XG: variants seen among roughly 807,000 people sequenced by gnomAD.
XG encodes the protein glycoprotein Xg.
XG carries 24 observed loss-of-function variants against 25.7 expected under a neutral mutation model. The observed-to-expected ratio is 0.93, with a 90% CI of 0.68 to 1.31. The LOEUF is 1.31. Among genes scored for constraint, XG ranks in the 40% most tolerant of loss-of-function variants. The pLI is 0.00. For synonymous variants in XG, 77 were observed against 69.2 expected, an observed-to-expected ratio of 1.11 and a Z score of -0.56; for missense variants, 181 against 187.6, an observed-to-expected ratio of 0.96 and a Z score of 0.21.
intron 3 of XG, among the ~76,000 whole-genome samples, chrX:2,779,260 C>T (rs1300144095): frequency 6.7e-6 from 1 of 149,042 alleles, no homozygotes; most frequent in Non-Finnish European, 1.5e-5. Flanking sequence ...CACTTGAGCT[C>T]GAGAGGTGGA....
chrX:2,812,172 C>G (rs913511959), intron 10 of XG, among the ~76,000 whole-genome samples: 1 of 111,126 alleles, frequency 9.0e-6, no homozygotes, highest in African/African-American at 3.3e-5. Flanking sequence ...GAACCCCACC[C>G]GCAAAGAAAA....
At chrX:2,779,560 C>G (rs1448142304) in intron 3 of XG, among the ~76,000 whole-genome samples, 2 of 152,044 alleles carry the variant, frequency 1.3e-5, no homozygotes, top group African/African-American at 4.8e-5. Context: ...GCCTTCTTCC[C>G]CGCAGACACC....
chrX:2,793,744 T>C (rs1271701530), intron 5 of XG, among the ~76,000 whole-genome samples: 4 of 111,388 alleles, frequency 3.6e-5, no homozygotes, highest in Middle Eastern at 4.7e-3. Flanking sequence ...ACAAGATAGT[T>C]GAGCAGGAAC....
chrX:2,783,902 G>T (rs1336433965), intron 4 of XG, among the ~76,000 whole-genome samples: 2 of 112,105 alleles, frequency 1.8e-5, no homozygotes, highest in African/African-American at 6.5e-5. Context: ...TTGAATCCAG[G>T]AGAGGAAGGT....
At chrX:2,758,229 C>T (rs1410333786) in intron 1 of XG, among the ~76,000 whole-genome samples, 6 of 152,034 alleles carry the variant, frequency 3.9e-5, no homozygotes, top group Non-Finnish European at 7.4e-5. Flanking sequence ...TCACCTGGAG[C>T]GTGTAGCCAT....
intron 1 of XG, among the ~76,000 whole-genome samples, chrX:2,754,651 G>A (rs311112): frequency 0.47 from 71,680 of 151,998 alleles, 17,056 homozygotes; most frequent in African/African-American, 0.51. Context: ...GAGGAGCAAG[G>A]AGAGCCAGTC....
At chrX:2,752,359 G>A (rs369936264) in intron 1 of XG, 24 bp downstream of exon 1, 63 of 1,612,492 alleles carry the variant, frequency 3.9e-5, no homozygotes, top group Non-Finnish European at 5.3e-5. Flanking sequence ...TGCTTTGAGG[G>A]AGATCTGCCT....
chrX:2,767,979 G>C (rs2050736907), intron 1 of XG, among the ~76,000 whole-genome samples: 1 of 152,076 alleles, frequency 6.6e-6, no homozygotes, highest in Non-Finnish European at 1.5e-5. Context: ...CCCAATTCCT[G>C]TCATCTCTCA....
chrX:2,794,531 A>T lies in XG; in HGVS notation c.254-4A>T. ...TGAGCAATGCCGCGTGCTCTGCCCCACAGGTTACTTCAATGATGTGGACCG... is the reference window on the plus strand; with the variant it reads ...TGAGCAATGCCGCGTGCTCTGCCCCTCAGGTTACTTCAATGATGTGGACCG... On this transcript the variant is annotated splice_region_variant and splice_polypyrimidine_tract_variant and intron_variant, in intron 5 of 10. Coordinates refer to ENST00000644266, the MANE Select transcript of XG (RefSeq NM_001141919.2). 8.3e-7 allele frequency: 1 copy of T among 1,210,933 alleles called. No homozygotes were observed. Among genetic ancestry groups the T allele is most frequent in the Non-Finnish European group, 1.1e-6 (1 of 895,061 alleles).
chrX:2,772,224 C>G (rs2050833313), intron 2 of XG, among the ~76,000 whole-genome samples: 1 of 152,132 alleles, frequency 6.6e-6, no homozygotes, highest in Admixed American at 6.6e-5. Context: ...GACAGATACC[C>G]AAGAGAATTG....
chrX:2,777,245 G>C (rs2051019228), intron 3 of XG, among the ~76,000 whole-genome samples: 1 of 152,080 alleles, frequency 6.6e-6, no homozygotes, highest in African/African-American at 2.4e-5. Context: ...CTGAAGATGA[G>C]GCTACCTTCA....
At position 2,814,423 on chromosome X, in the gene XG, A is replaced by G; in HGVS notation, c.*43A>G. On this transcript the variant is annotated 3_prime_UTR_variant, in exon 11 of 11. Transcript: ENST00000644266. Reference sequence around the variant, plus strand: ...GATTACTTTGAGAAAAACAACTAAAACAAGAACCGTGTTTATCACTGTTGT... The same window carrying G: ...GATTACTTTGAGAAAAACAACTAAAGCAAGAACCGTGTTTATCACTGTTGT... 1 of 1,184,145 alleles carries G rather than the reference A, an allele frequency of 8.4e-7. No individual in the cohort carries two copies. Among genetic ancestry groups the G allele is most frequent in the Non-Finnish European group, 1.1e-6 (1 of 878,198 alleles).
At chrX:2,763,358 C>A (rs969810455) in intron 1 of XG, among the ~76,000 whole-genome samples, 8 of 152,070 alleles carry the variant, frequency 5.3e-5, no homozygotes, top group Non-Finnish European at 7.4e-5. Flanking sequence ...TTTCAGGAAC[C>A]CAGACCCCCA....
chrX:2,770,029 GGGGCGTTGGGGGGC>G (rs2050781301), intron 1 of XG, among the ~76,000 whole-genome samples: 1 of 144,656 alleles, frequency 6.9e-6, no homozygotes, highest in Non-Finnish European at 1.5e-5. Context: ...AGGGGTGGGG[GGGGCGTTGGGGGGC>G]GGGGATATGC....
chrX:2,800,040 A>G (rs1252077370), intron 7 of XG, among the ~76,000 whole-genome samples: 1 of 111,431 alleles, frequency 9.0e-6, no homozygotes, highest in Non-Finnish European at 1.9e-5. Flanking sequence ...TATCCAGTCT[A>G]CCATTGATGG....
At chrX:2,789,614 T>C (rs2086817506) in intron 4 of XG, 30 bp from the exon 5 acceptor site, 1 of 1,067,654 alleles carries the variant, frequency 9.4e-7, no homozygotes. Context: ...GTCATTATTT[T>C]TCTGAAATCA....
At chrX:2,752,925 T>C in intron 1 of XG, 1 of 985,378 alleles carries the variant, frequency 1.0e-6, no homozygotes, top group African/African-American at 1.7e-5. Context: ...CAAGATTAGA[T>C]TTTTCAGTTC....
At chrX:2,767,909 C>T (rs1476036431) in intron 1 of XG, among the ~76,000 whole-genome samples, 1 of 152,108 alleles carries the variant, frequency 6.6e-6, no homozygotes, top group Non-Finnish European at 1.5e-5. Flanking sequence ...TAGTGCAACC[C>T]CTGAAACCAA....
At chrX:2,756,024 G>T (rs958976772) in intron 1 of XG, among the ~76,000 whole-genome samples, 2 of 152,148 alleles carry the variant, frequency 1.3e-5, no homozygotes, top group African/African-American at 4.8e-5. Context: ...TCCTGCACAC[G>T]TATCCCGGAA....
Sources: gnomAD v4.1 joint callset for allele counts (sites outside exome capture counted in the v4.1 genomes callset) on GRCh38, gnomAD v4.1.1 for gene constraint, MANE v1.5 for transcripts, NCBI Gene and HGNC (gene_info 2026-07-23, HGNC 2026-07-21) for gene names.